Variants in PTPRZ1 observed in about 807,000 individuals in gnomAD.
The protein encoded by PTPRZ1 is receptor-type tyrosine-protein phosphatase zeta.
A neutral mutation model predicts 214.1 loss-of-function variants in PTPRZ1; 82 were observed. The ratio of observed to expected loss-of-function variants is 0.38; its 90% CI spans 0.32 to 0.46. The LOEUF (loss-of-function observed/expected upper bound fraction) is 0.46, where lower values mean the gene tolerates loss of function less well. PTPRZ1 is among the 20% of genes least tolerant of loss of function. The pLI is 1.00. For synonymous variants in PTPRZ1, 945 were observed against 987.9 expected, an observed-to-expected ratio of 0.96 and a Z score of 0.81; for missense variants, 2,603 against 2,748.7, an observed-to-expected ratio of 0.95 and a Z score of 1.19.
At chr7:121,996,671 C>A in intron 9 of PTPRZ1, 105 bp downstream of exon 9, 1 of 948,410 alleles carries the variant, frequency 1.1e-6, no homozygotes, top group Non-Finnish European at 1.5e-6. Context: ...TACTTTTAGA[C>A]TTTATGTGAA....
chr7:122,004,517 T>C, intron 10 of PTPRZ1, 97 bp from the exon 11 acceptor site: 2 of 678,438 alleles, frequency 2.9e-6, no homozygotes, highest in Non-Finnish European at 5.0e-6. Flanking sequence ...TTAACTTTTT[T>C]ATTCTTTTTA....
chr7:122,036,726 C>T (rs764424343), intron 18 of PTPRZ1, 44 bp downstream of exon 18: 9 of 1,350,832 alleles, frequency 6.7e-6, no homozygotes, highest in Non-Finnish European at 9.5e-6. Context: ...TCATATTAGA[C>T]TGAATTATTA....
chr7:121,939,955 C>T (rs1036722585), intron 2 of PTPRZ1, among the ~76,000 whole-genome samples: 1 of 152,086 alleles, frequency 6.6e-6, no homozygotes, highest in Non-Finnish European at 1.5e-5. Context: ...GGAGTTAAAT[C>T]AACATGGGTG....
chr7:121,873,206 C>T lies in PTPRZ1; in HGVS notation c.-294C>T. 1 of 429,090 alleles carries T rather than the reference C, an allele frequency of 2.3e-6. No individual in the cohort carries two copies. The highest frequency in any genetic ancestry group is 7.3e-5 in the South Asian group (1 of 13,708). 26.6% of individuals were successfully genotyped at this position (429,090 alleles called of 1,614,324 possible). ...GGCGAAAGAGGCAAAGTCCCGCACG[C>T]CGGAGGACATGCGCCTCGGCTAGCG... On this transcript the variant is annotated 5_prime_UTR_variant, in exon 1 of 30. Transcript: ENST00000393386.
At chr7:121,985,266 C>A (rs1797732484) in intron 8 of PTPRZ1, among the ~76,000 whole-genome samples, 1 of 152,048 alleles carries the variant, frequency 6.6e-6, no homozygotes, top group Admixed American at 6.6e-5. Flanking sequence ...AAATAATAGA[C>A]AATCGATTAG....
intron 29 of PTPRZ1, 30 bp from the exon 30 acceptor site, chr7:122,061,050 A>G: frequency 1.9e-6 from 3 of 1,562,156 alleles, no homozygotes; most frequent in Non-Finnish European, 2.6e-6. Context: ...TGAGCTTCGC[A>G]TTTATTACCT....
Position 121,875,317 on chromosome 7 carries a change from G to A in PTPRZ1, c.58+1760G>A, listed in dbSNP as rs552855663. On this transcript the variant is annotated intron_variant, in intron 1 of 29. Coordinates refer to ENST00000393386, the MANE Select transcript of PTPRZ1 (RefSeq NM_002851.3). ...AATCATGCAACTTGTGGCCTTTTCT[G>A]TCTGTCTTTGTTCACTTGGCATAAT... Among the ~76,000 whole-genome samples, 22 of 152,238 alleles carry A rather than the reference G, an allele frequency of 1.4e-4. 1 individual carries two copies. The South Asian group carries it at 4.6e-3, about 32-fold the overall frequency.
At chr7:122,045,975 AATAAGTTGAAT>A (rs1799886298) in intron 23 of PTPRZ1, among the ~76,000 whole-genome samples, 1 of 152,140 alleles carries the variant, frequency 6.6e-6, no homozygotes, top group South Asian at 2.1e-4. Flanking sequence ...ATTTCCTTGA[AATAAGTTGAAT>A]ATCTGTGTAT....
intron 1 of PTPRZ1, among the ~76,000 whole-genome samples, chr7:121,926,034 G>A (rs1177551068): frequency 6.6e-6 from 1 of 152,212 alleles, no homozygotes; most frequent in African/African-American, 2.4e-5. Context: ...GCCGGGCACA[G>A]TGGCTCACGC....
At chr7:121,913,919 A>C (rs1255887697) in intron 1 of PTPRZ1, among the ~76,000 whole-genome samples, 2 of 152,212 alleles carry the variant, frequency 1.3e-5, no homozygotes, top group African/African-American at 4.8e-5. Flanking sequence ...CGGGAAAAAA[A>C]CTGGAACTCT....
At chr7:122,053,661 G>A (rs1792258011) in intron 25 of PTPRZ1, among the ~76,000 whole-genome samples, 3 of 151,940 alleles carry the variant, frequency 2.0e-5, no homozygotes, top group South Asian at 4.2e-4. Context: ...TAAAATGGGG[G>A]TCACAGTTCC....
chr7:121,976,356 A>C, intron 5 of PTPRZ1, 88 bp downstream of exon 5: 1 of 834,346 alleles, frequency 1.2e-6, no homozygotes. Flanking sequence ...GTTTCTAACA[A>C]AGAGAGGAGC....
chr7:121,882,748 T>G (rs1326418230), intron 1 of PTPRZ1, among the ~76,000 whole-genome samples: 1 of 152,138 alleles, frequency 6.6e-6, no homozygotes, highest in Non-Finnish European at 1.5e-5. Context: ...GAAGCTTGGT[T>G]AAAAGCCTCT....
chr7:121,951,053 T>C (rs986480967), intron 2 of PTPRZ1, among the ~76,000 whole-genome samples: 7 of 152,254 alleles, frequency 4.6e-5, no homozygotes, highest in African/African-American at 1.4e-4. Flanking sequence ...TGAGGAATTA[T>C]GATCAAATTA....
rs530315368 is a variant in PTPRZ1, at chr7:121,892,510, T to A, written c.58+18953T>A. Among the ~76,000 whole-genome samples the A allele has an allele frequency of 1.1e-3, 164 of 151,834 alleles. 1 individual carries two copies. Among genetic ancestry groups the A allele is most frequent in the African/African-American group, 3.8e-3 (157 of 41,482 alleles). Reference sequence around the variant, plus strand: ...GTTGAGGTATTAGACCATAAGAGTATTTTAATTTTCTCTCCATCAACAAAA... The same window carrying A: ...GTTGAGGTATTAGACCATAAGAGTAATTTAATTTTCTCTCCATCAACAAAA... On this transcript the variant is annotated intron_variant, in intron 1 of 29. Transcript: ENST00000393386.
intron 1 of PTPRZ1, among the ~76,000 whole-genome samples, chr7:121,907,660 C>G (rs544297111): frequency 2.0e-5 from 3 of 151,842 alleles, no homozygotes; most frequent in African/African-American, 7.2e-5. Context: ...AAGGCCTAAA[C>G]TCAGGGTGTT....
intron 8 of PTPRZ1, among the ~76,000 whole-genome samples, chr7:121,991,042 A>G (rs1250360216): frequency 6.6e-6 from 1 of 152,218 alleles, no homozygotes; most frequent in Non-Finnish European, 1.5e-5. Context: ...AAAGTTCAGT[A>G]GACTTGATTT....
intron 10 of PTPRZ1, 133 bp from the exon 11 acceptor site, chr7:122,004,481 G>A (rs1798422864): frequency 1.8e-6 from 1 of 568,590 alleles, no homozygotes; most frequent in African/African-American, 1.9e-5. Flanking sequence ...TTTATTGTGA[G>A]AAAGTCTGTA....
At chr7:121,974,103 GTTA>G (rs1033597902) in intron 4 of PTPRZ1, among the ~76,000 whole-genome samples, 2 of 151,780 alleles carry the variant, frequency 1.3e-5, no homozygotes, top group African/African-American at 4.8e-5. Flanking sequence ...TAATTCAAAA[GTTA>G]TTAATAATAA....
Sources: gnomAD v4.1 joint callset for allele counts (sites outside exome capture counted in the v4.1 genomes callset) on GRCh38, gnomAD v4.1.1 for gene constraint, MANE v1.5 for transcripts, NCBI Gene and HGNC (gene_info 2026-07-23, HGNC 2026-07-21) for gene names.